Variants in SCFD2 observed in about 807,000 individuals in gnomAD.
The protein encoded by SCFD2 is sec1 family domain containing 2, also known as sec1 family domain-containing protein 2.
A neutral mutation model predicts 58.9 loss-of-function variants in SCFD2; 54 were observed. The ratio of observed to expected loss-of-function variants is 0.92; its 90% CI spans 0.74 to 1.15. The LOEUF (loss-of-function observed/expected upper bound fraction) is 1.15. Among genes scored for constraint, SCFD2 ranks in the 50% most tolerant of loss-of-function variants. SCFD2 has a pLI of 0.00. For missense variants in SCFD2, 805 were observed against 836.6 expected, an observed-to-expected ratio of 0.96 and a Z score of 0.47; for synonymous variants, 321 against 335.9, an observed-to-expected ratio of 0.96 and a Z score of 0.49.
intron 5 of SCFD2, among the ~76,000 whole-genome samples, chr4:52,993,287 A>C (rs1396405686): frequency 2.0e-5 from 3 of 151,722 alleles, no homozygotes; most frequent in African/African-American, 7.3e-5. Context: ...GCCTAGGAAA[A>C]CCAGAGACCC....
rs549406050 is a variant in SCFD2 at position 52,883,168 on chromosome 4, G to A, written c.1962+2579C>T. Among the ~76,000 whole-genome samples the A allele has an allele frequency of 1.6e-4, 25 of 152,296 alleles. No individual in the cohort carries two copies. The South Asian group carries it at 3.9e-3, about 24-fold the overall frequency. On this transcript the variant is annotated intron_variant, in intron 8 of 8. Coordinates refer to ENST00000401642, the MANE Select transcript of SCFD2 (RefSeq NM_152540.4). ...CTTCGTGTGTTGCTAGGGCAGCAAG[G>A]CATGATTTCCGCTGCACTCTAAAAA...
intron 4 of SCFD2, among the ~76,000 whole-genome samples, chr4:53,150,592 TTAA>T (rs1726475725): frequency 6.6e-6 from 1 of 152,146 alleles, no homozygotes; most frequent in Non-Finnish European, 1.5e-5. Context: ...CTCAAGAGGA[TTAA>T]TAATAAGGAT....
In SCFD2 at chr4:52,891,179, G is replaced by C. The variant is rs533161167; in HGVS notation, c.1843-5313C>G. On this transcript the variant is annotated intron_variant, in intron 7 of 8. Transcript: ENST00000401642. ...TCCCTCCGAACACTTCACATCTCAT[G>C]TTTCATTCATTTATTCATCCATTCA... Among the ~76,000 whole-genome samples, 9 of 151,986 alleles carry C rather than the reference G, an allele frequency of 5.9e-5. No homozygotes were observed. The East Asian group carries it at 1.7e-3, about 29-fold the overall frequency.
At chr4:52,939,324 T>G (rs1720228862) in intron 5 of SCFD2, among the ~76,000 whole-genome samples, 1 of 152,188 alleles carries the variant, frequency 6.6e-6, no homozygotes, top group Non-Finnish European at 1.5e-5. Flanking sequence ...TACTGAGAAG[T>G]AGGTATTATT....
intron 5 of SCFD2, among the ~76,000 whole-genome samples, chr4:52,936,095 C>T (rs1462118246): frequency 6.6e-6 from 1 of 152,124 alleles, no homozygotes; most frequent in South Asian, 2.1e-4. Flanking sequence ...CCTCATCCTC[C>T]CAAAGTGCTG....
chr4:53,182,349 C>T (rs548863772), intron 4 of SCFD2, among the ~76,000 whole-genome samples: 11 of 152,264 alleles, frequency 7.2e-5, no homozygotes, highest in Admixed American at 2.0e-4. Context: ...AATAATGCCA[C>T]ATATCTACAA....
intron 5 of SCFD2, among the ~76,000 whole-genome samples, chr4:53,082,354 T>C (rs887758109): frequency 6.6e-6 from 1 of 152,112 alleles, no homozygotes; most frequent in African/African-American, 2.4e-5. Flanking sequence ...TCAGTATTTG[T>C]TATTGTCCTT....
intron 2 of SCFD2, among the ~76,000 whole-genome samples, chr4:53,332,725 A>G (rs903928713): frequency 3.3e-5 from 5 of 151,976 alleles, no homozygotes; most frequent in African/African-American, 1.2e-4. Context: ...CCTATTCAAC[A>G]TAGTGTTGGA....
chr4:53,012,201 T>C (rs191986982), intron 5 of SCFD2, among the ~76,000 whole-genome samples: 46 of 152,260 alleles, frequency 3.0e-4, no homozygotes, highest in Middle Eastern at 3.4e-3. Context: ...AGCCGTGTTA[T>C]AATGACTCAC....
chr4:53,327,659 T>C (rs1733250430), intron 2 of SCFD2, among the ~76,000 whole-genome samples: 1 of 152,136 alleles, frequency 6.6e-6, no homozygotes, highest in African/African-American at 2.4e-5. Flanking sequence ...GTTGACACTA[T>C]ATTGGTTAAA....
At chr4:52,954,088 G>A (rs1720658673) in intron 5 of SCFD2, among the ~76,000 whole-genome samples, 3 of 152,188 alleles carry the variant, frequency 2.0e-5, no homozygotes, top group African/African-American at 7.2e-5. Context: ...ACATTCACAG[G>A]CAGCACAGGG....
intron 8 of SCFD2, among the ~76,000 whole-genome samples, chr4:52,875,241 A>T (rs990944424): frequency 2.0e-5 from 3 of 151,988 alleles, no homozygotes; most frequent in Non-Finnish European, 4.4e-5. Flanking sequence ...GGCTTCTTTC[A>T]TGGTGACCCT....
At chr4:53,000,479 G>C (rs1385087675) in intron 5 of SCFD2, among the ~76,000 whole-genome samples, 4 of 152,182 alleles carry the variant, frequency 2.6e-5, no homozygotes, top group Non-Finnish European at 5.9e-5. Context: ...TATACTATCT[G>C]TGTGGCTCCA....
At chr4:53,306,762 G>A (rs894613044) in intron 3 of SCFD2, among the ~76,000 whole-genome samples, 4 of 152,210 alleles carry the variant, frequency 2.6e-5, no homozygotes, top group African/African-American at 7.2e-5. Flanking sequence ...TGTGTCCTTA[G>A]AAGCCAGAGC....
In SCFD2 at chr4:53,191,204, G is replaced by C. The variant is rs183816488; in HGVS notation, c.1312-45622C>G. On this transcript the variant is annotated intron_variant, in intron 4 of 8. Coordinates refer to ENST00000401642, the MANE Select transcript of SCFD2 (RefSeq NM_152540.4). Reference sequence around the variant, plus strand: ...TCTCTACTAAAAATACGAAAAATTAGCTGGGCCTGGTGGCAGGTGGCTGTA... The same window carrying C: ...TCTCTACTAAAAATACGAAAAATTACCTGGGCCTGGTGGCAGGTGGCTGTA... Among the ~76,000 whole-genome samples the C allele has an allele frequency of 4.6e-5, 7 of 152,068 alleles. No homozygotes were observed. In the East Asian group the frequency reaches 1.2e-3, roughly 25 times the overall value.
At chr4:52,920,198 C>T (rs1719701783) in intron 6 of SCFD2, among the ~76,000 whole-genome samples, 3 of 152,202 alleles carry the variant, frequency 2.0e-5, no homozygotes, top group South Asian at 4.1e-4. Flanking sequence ...CATCTCTTTA[C>T]TCAATGGTCA....
Position 53,299,682 on chromosome 4 carries a change from C to A in SCFD2, c.1135+13954G>T, listed in dbSNP as rs1320563821. Among the ~76,000 whole-genome samples the A allele has an allele frequency of 6.6e-5, 10 of 152,166 alleles. No individual in the cohort carries two copies. In the East Asian group the frequency reaches 1.7e-3, roughly 26 times the overall value. ...AAGTTGAAATGAAGGAAAAAATGTT[C>A]AGGGCAGCCAGAGATAAACGTCAGG... On this transcript the variant is annotated intron_variant, in intron 3 of 8. Transcript: ENST00000401642.
chr4:53,228,971 C>G (rs563146531), intron 4 of SCFD2, among the ~76,000 whole-genome samples: 1 of 152,130 alleles, frequency 6.6e-6, no homozygotes, highest in South Asian at 2.1e-4. Context: ...TCTTATACAC[C>G]AATAACAGAC....
intron 5 of SCFD2, among the ~76,000 whole-genome samples, chr4:53,028,707 G>A (rs577762296): frequency 2.0e-5 from 3 of 152,218 alleles, no homozygotes; most frequent in Non-Finnish European, 2.9e-5. Flanking sequence ...GCTCTTCCCC[G>A]GGGTTTTAAG....
Sources: gnomAD v4.1 joint callset for allele counts (sites outside exome capture counted in the v4.1 genomes callset) on GRCh38, gnomAD v4.1.1 for gene constraint, MANE v1.5 for transcripts, NCBI Gene and HGNC (gene_info 2026-07-23, HGNC 2026-07-21) for gene names.